The following TENM3 variants were observed in gnomAD, a reference collection of about 807,000 sequenced individuals.
TENM3 encodes the protein teneurin-3.
TENM3 carries 63 observed loss-of-function variants against 255.1 expected under a neutral mutation model. That is an observed-to-expected ratio of 0.25 (90% CI 0.20 to 0.30). TENM3 has a LOEUF of 0.30. Among genes scored for constraint, TENM3 ranks in the 10% least tolerant of loss-of-function variants. The pLI, the probability that TENM3 is intolerant of heterozygous loss-of-function variation, is 1.00. For synonymous variants in TENM3, 1,306 were observed against 1,322.3 expected (o/e 0.99, Z 0.27); for missense variants, 2,929 against 3,461.1 (o/e 0.85, Z 3.86).
intron 3 of TENM3, among the ~76,000 whole-genome samples, chr4:182,361,004 A>T (rs1054565398): frequency 6.6e-6 from 1 of 152,158 alleles, no homozygotes; most frequent in African/African-American, 2.4e-5. Flanking sequence ...TGGATATGAA[A>T]TTCTGGGTTG....
chr4:182,245,875 T>C (rs72698047), intron 1 of TENM3, among the ~76,000 whole-genome samples: 5,665 of 152,304 alleles, frequency 0.037, 141 homozygotes, highest in South Asian at 0.051. Context: ...TTTACAGATT[T>C]GTGTTAGTTA....
chr4:182,618,067 T>G (rs964024712), intron 4 of TENM3, among the ~76,000 whole-genome samples: 2 of 152,212 alleles, frequency 1.3e-5, no homozygotes, highest in Non-Finnish European at 2.9e-5. Context: ...TAACACTATA[T>G]AAAACATTGA....
intron 4 of TENM3, among the ~76,000 whole-genome samples, chr4:182,616,461 A>G (rs911446545): frequency 7.6e-5 from 11 of 144,580 alleles, no homozygotes; most frequent in Non-Finnish European, 1.6e-4. Context: ...AGCATGGCAC[A>G]TGTGTACATA....
chr4:182,229,544 G>A (rs898448856), intron 1 of TENM3, among the ~76,000 whole-genome samples: 1 of 151,948 alleles, frequency 6.6e-6, no homozygotes, highest in African/African-American at 2.4e-5. Flanking sequence ...GATTTACCAA[G>A]AGAGCAAAAT....
chr4:182,582,425 A>G (rs1745574207), intron 3 of TENM3, among the ~76,000 whole-genome samples: 1 of 152,192 alleles, frequency 6.6e-6, no homozygotes, highest in African/African-American at 2.4e-5. Flanking sequence ...TAGCTATGAG[A>G]TTAAACAGGA....
At chr4:181,581,124 C>A in the TENM3 span, among the ~76,000 whole-genome samples, 2 of 152,040 alleles carry the variant, frequency 1.3e-5, no homozygotes, top group Non-Finnish European at 2.9e-5. Flanking sequence ...ACTGGAAAAA[C>A]AAGGAGCTAT....
At chr4:182,216,611 T>G (rs764617756) in intron 1 of TENM3, among the ~76,000 whole-genome samples, 66 of 152,348 alleles carry the variant, frequency 4.3e-4, no homozygotes, top group Non-Finnish European at 8.8e-4. Flanking sequence ...GGCGTCATAG[T>G]CTTTGGAAGC....
chr4:181,778,521 C>A, the TENM3 span, among the ~76,000 whole-genome samples: 146 of 152,226 alleles, frequency 9.6e-4, no homozygotes, highest in Non-Finnish European at 1.8e-3. Context: ...TGCAGCAGAT[C>A]CCGCCGTGTT....
At chr4:182,335,022 C>T (rs888781206) in intron 2 of TENM3, among the ~76,000 whole-genome samples, 9 of 151,996 alleles carry the variant, frequency 5.9e-5, no homozygotes, top group Non-Finnish European at 1.2e-4. Context: ...CATTCTTAGC[C>T]GGTAGCTTTT....
intron 3 of TENM3, among the ~76,000 whole-genome samples, chr4:182,442,829 T>C (rs201306065): frequency 3.9e-5 from 4 of 101,946 alleles, no homozygotes; most frequent in Non-Finnish European, 8.0e-5. Context: ...TATACATATA[T>C]ATACATACAT....
chr4:181,612,261 G>A, the TENM3 span, among the ~76,000 whole-genome samples: 1 of 152,150 alleles, frequency 6.6e-6, no homozygotes, highest in Non-Finnish European at 1.5e-5. Context: ...CATGGAACTA[G>A]TGTTAATAAT....
the TENM3 span, among the ~76,000 whole-genome samples, chr4:181,934,605 A>G: frequency 6.6e-6 from 1 of 152,210 alleles, no homozygotes; most frequent in Non-Finnish European, 1.5e-5. Context: ...AAGATGGACC[A>G]ATGCTTAAAA....
chr4:182,489,157 T>C (rs960746348), intron 3 of TENM3, among the ~76,000 whole-genome samples: 5 of 152,306 alleles, frequency 3.3e-5, no homozygotes, highest in Non-Finnish European at 7.4e-5. Context: ...ACTCTTAAAT[T>C]GTTAAGTAAA....
At chr4:181,539,760 T>A in the TENM3 span, among the ~76,000 whole-genome samples, 1 of 152,312 alleles carries the variant, frequency 6.6e-6, no homozygotes, top group Middle Eastern at 3.4e-3. Flanking sequence ...ATCCTAGATT[T>A]TTATATCAAA....
rs1761232422 is a variant in TENM3 at position 182,737,146 on chromosome 4, A to G, written c.3235+71A>G. ...CCAGAACTATCATAAATTAATTGTA[A>G]CCCAGGGAAGTCAGTGGATAAACAG... On this transcript the variant is annotated intron_variant, in intron 17 of 27. Transcript: ENST00000511685. 2.7e-6 allele frequency: 4 copies of G among 1,488,904 alleles called. No homozygotes were observed. In the East Asian group the frequency reaches 9.0e-5, roughly 34 times the overall value. 92.2% of individuals were successfully genotyped at this position (1,488,904 alleles called of 1,614,324 possible).
chr4:182,753,340 C>A, intron 20 of TENM3, 110 bp from the exon 21 acceptor site: 1 of 843,268 alleles, frequency 1.2e-6, no homozygotes, highest in Non-Finnish European at 1.9e-6. Flanking sequence ...TGCTACCTGT[C>A]ACCCGTGTTG....
the TENM3 span, among the ~76,000 whole-genome samples, chr4:181,540,495 A>T: frequency 6.6e-6 from 1 of 152,122 alleles, no homozygotes; most frequent in East Asian, 1.9e-4. Context: ...GAAAAAGAGC[A>T]ACTCTGCGGT....
intron 3 of TENM3, among the ~76,000 whole-genome samples, chr4:182,453,456 T>G (rs1001525764): frequency 1.3e-5 from 2 of 152,224 alleles, no homozygotes; most frequent in Non-Finnish European, 2.9e-5. Flanking sequence ...TTAAATGTTA[T>G]CATTCCCCTC....
the TENM3 span, among the ~76,000 whole-genome samples, chr4:181,717,349 A>G: frequency 6.6e-6 from 1 of 152,026 alleles, no homozygotes; most frequent in African/African-American, 2.4e-5. Flanking sequence ...GGGGTATAAA[A>G]ATGTCCTAGT....
Sources: allele counts gnomAD v4.1 joint callset (sites outside exome capture counted in the v4.1 genomes callset), GRCh38; gene constraint gnomAD v4.1.1; transcripts MANE v1.5; gene names NCBI Gene and HGNC (gene_info 2026-07-23, HGNC 2026-07-21).